Variants in BABAM2 observed in about 807,000 individuals in gnomAD.
BABAM2 encodes the protein BRISC and BRCA1 A complex member 2, also known as BRISC and BRCA1-A complex member 2.
In BABAM2, 31 loss-of-function variants were observed where a neutral mutation model predicts 54.7. That is an observed-to-expected ratio of 0.57 (90% CI 0.43 to 0.77). The LOEUF is 0.77. BABAM2 is among the 30% of genes least tolerant of loss of function. The probability of loss-of-function intolerance (pLI) is 0.00; values close to 1 mark genes in which losing one functional copy is unlikely to be tolerated. For synonymous variants in BABAM2, 167 were observed against 162.9 expected, an observed-to-expected ratio of 1.03 and a Z score of -0.19; for missense variants, 364 against 455.8, an observed-to-expected ratio of 0.80 and a Z score of 1.83.
At chr2:28,204,882 C>T (rs1349916617) in intron 7 of BABAM2, among the ~76,000 whole-genome samples, 23 of 152,066 alleles carry the variant, frequency 1.5e-4, no homozygotes, top group Non-Finnish European at 1.5e-5. Flanking sequence ...CCCGTATGGG[C>T]CTGGACCTTG....
rs989192594 is a variant in BABAM2, at chr2:28,258,673, G to A, written c.934+13811G>A. On this transcript the variant is annotated intron_variant, in intron 10 of 11. Coordinates refer to ENST00000379624, the MANE Select transcript of BABAM2 (RefSeq NM_199191.3). Reference sequence around the variant, plus strand: ...CTGTCACCCAGGCTGTAGTGCAGTGGCGCCATCAGGCTCATTGCAGCCTCT... The same window carrying A: ...CTGTCACCCAGGCTGTAGTGCAGTGACGCCATCAGGCTCATTGCAGCCTCT... 2.3e-5 allele frequency among the ~76,000 whole-genome samples: 3 copies of A among 129,454 alleles called. No individual in the cohort carries two copies. The Admixed American group carries it at 3.0e-4, about 13-fold the overall frequency. 84.9% of individuals were successfully genotyped at this position (129,454 alleles called of 152,430 possible).
At chr2:28,147,925 C>CTA (rs1372528591) in intron 7 of BABAM2, among the ~76,000 whole-genome samples, 4 of 152,178 alleles carry the variant, frequency 2.6e-5, no homozygotes, top group African/African-American at 9.7e-5. Flanking sequence ...ATTGAGACCA[C>CTA]TTAATATACC....
At chr2:28,233,068 GTTTTA>G (rs1681564108) in intron 7 of BABAM2, 2 of 329,968 alleles carry the variant, frequency 6.1e-6, no homozygotes, top group Non-Finnish European at 1.3e-5. Flanking sequence ...CTAATTTCAT[GTTTTA>G]TTTTATTCCA....
chr2:27,929,949 A>C lies in BABAM2; in HGVS notation c.205+41A>C, dbSNP rs372777077. 3 of 1,553,400 alleles carry C rather than the reference A, an allele frequency of 1.9e-6. No homozygotes were observed. The African/African-American group carries it at 4.1e-5, about 21-fold the overall frequency. On this transcript the variant is annotated intron_variant, in intron 3 of 11. Coordinates refer to ENST00000379624, the MANE Select transcript of BABAM2 (RefSeq NM_199191.3). ...CTATTTTACTCAAAATGTAGGTTAC[A>C]GTGTCAGCTATTGGACTTTGTGCTT...
Position 28,041,109 on chromosome 2 carries a change from T to TC in BABAM2, c.496-4614dup, listed in dbSNP as rs1677067266. 2.0e-5 allele frequency among the ~76,000 whole-genome samples: 3 copies of TC among 152,224 alleles called. No individual in the cohort carries two copies. In the South Asian group the frequency reaches 6.2e-4, roughly 31 times the overall value. On this transcript the variant is annotated intron_variant, in intron 5 of 11. Transcript: ENST00000379624. ...CAAGTGCTAAATATGTAATTATCTT[T>TC]CCTATTACCTTATATGTACAAGAGT...
chr2:28,087,034 A>C (rs1665706488), intron 6 of BABAM2, among the ~76,000 whole-genome samples: 1 of 152,230 alleles, frequency 6.6e-6, no homozygotes, highest in Non-Finnish European at 1.5e-5. Flanking sequence ...TTAGCAGAGA[A>C]GCATCCTTGT....
In BABAM2 at chr2:28,092,138, A is replaced by T. The variant is rs146998993; in HGVS notation, c.571-37133A>T. On this transcript the variant is annotated intron_variant, in intron 6 of 11. Transcript: ENST00000379624. ...TATTATTTTTAAAAAGGTAATCATAATGCATTATGACCAAGTAAATCAGGA... is the reference window on the plus strand; with the variant it reads ...TATTATTTTTAAAAAGGTAATCATATTGCATTATGACCAAGTAAATCAGGA... 2.5e-3 allele frequency among the ~76,000 whole-genome samples: 374 copies of T among 152,330 alleles called. 4 individuals carry two copies. Among genetic ancestry groups the T allele is most frequent in the African/African-American group, 8.7e-3 (362 of 41,580 alleles).
chr2:28,239,475 T>A (rs886653259), intron 8 of BABAM2, among the ~76,000 whole-genome samples: 2 of 152,226 alleles, frequency 1.3e-5, no homozygotes, highest in Admixed American at 6.5e-5. Flanking sequence ...TGACTAACTT[T>A]CAGATGCCTA....
At chr2:28,158,329 G>T (rs1263435344) in intron 7 of BABAM2, among the ~76,000 whole-genome samples, 1 of 152,150 alleles carries the variant, frequency 6.6e-6, no homozygotes, top group East Asian at 1.9e-4. Flanking sequence ...AATGAAGAGG[G>T]CTACATAGGG....
intron 6 of BABAM2, among the ~76,000 whole-genome samples, chr2:28,128,862 C>T (rs1464115980): frequency 6.6e-6 from 1 of 151,046 alleles, no homozygotes; most frequent in Non-Finnish European, 1.5e-5. Context: ...TAGCTTACAA[C>T]ATACTGTCAA....
chr2:28,019,431 C>T (rs557046571), intron 4 of BABAM2, among the ~76,000 whole-genome samples: 84 of 152,196 alleles, frequency 5.5e-4, no homozygotes, highest in African/African-American at 2.0e-3. Flanking sequence ...GATTTTCTCC[C>T]ACTCTGTGGG....
At chr2:27,971,646 G>C (rs1671231461) in intron 3 of BABAM2, among the ~76,000 whole-genome samples, 1 of 150,774 alleles carries the variant, frequency 6.6e-6, no homozygotes, top group African/African-American at 2.4e-5. Context: ...GTGTGAATGT[G>C]TATATGGGTA....
At chr2:28,321,090 GT>G (rs1169337786) in intron 11 of BABAM2, among the ~76,000 whole-genome samples, 1 of 152,254 alleles carries the variant, frequency 6.6e-6, no homozygotes, top group African/African-American at 2.4e-5. Flanking sequence ...TTCAATAACT[GT>G]TTGTTGAGTT....
chr2:27,947,250 A>G (rs1669365308), intron 3 of BABAM2, among the ~76,000 whole-genome samples: 1 of 151,802 alleles, frequency 6.6e-6, no homozygotes, highest in Non-Finnish European at 1.5e-5. Flanking sequence ...TTTTGGATTA[A>G]TTAATATTTT....
At chr2:28,193,207 C>T (rs1677131928) in intron 7 of BABAM2, among the ~76,000 whole-genome samples, 1 of 152,060 alleles carries the variant, frequency 6.6e-6, no homozygotes, top group Non-Finnish European at 1.5e-5. Flanking sequence ...TTTATGGTAC[C>T]TATGAGGAAT....
intron 4 of BABAM2, among the ~76,000 whole-genome samples, chr2:28,020,560 G>A (rs1489272059): frequency 6.6e-6 from 1 of 151,958 alleles, no homozygotes; most frequent in African/African-American, 2.4e-5. Context: ...GAGGGGATGG[G>A]GATAGCCAAG....
intron 7 of BABAM2, among the ~76,000 whole-genome samples, chr2:28,141,850 T>C (rs749272808): frequency 1.3e-5 from 2 of 152,168 alleles, no homozygotes; most frequent in African/African-American, 2.4e-5. Flanking sequence ...TCAATGTGGA[T>C]GGGGGGTATG....
chr2:28,277,526 G>T (rs919735210), intron 10 of BABAM2, among the ~76,000 whole-genome samples: 3 of 152,144 alleles, frequency 2.0e-5, no homozygotes, highest in Non-Finnish European at 2.9e-5. Flanking sequence ...CATGGACATG[G>T]TTGCAAAAGC....
At chr2:27,917,663 A>G (rs759417395) in intron 2 of BABAM2, among the ~76,000 whole-genome samples, 10 of 152,132 alleles carry the variant, frequency 6.6e-5, no homozygotes, top group South Asian at 2.1e-4. Context: ...TTAGATTCCA[A>G]TAAGAATTTT....
Sources: allele counts gnomAD v4.1 joint callset (sites outside exome capture counted in the v4.1 genomes callset), GRCh38; gene constraint gnomAD v4.1.1; transcripts MANE v1.5; gene names NCBI Gene and HGNC (gene_info 2026-07-23, HGNC 2026-07-21).